The following PRICKLE2 variants were observed in gnomAD, a reference collection of about 807,000 sequenced individuals.
PRICKLE2 encodes prickle-like protein 2.
PRICKLE2 carries 21 observed loss-of-function variants against 81.4 expected under a neutral mutation model. The observed-to-expected ratio is 0.26, with a 90% CI of 0.18 to 0.37. PRICKLE2 has a LOEUF of 0.37. Ranked by LOEUF, PRICKLE2 falls within the 10% of genes least tolerant of loss-of-function variation. The pLI is 1.00. For missense variants in PRICKLE2, 940 were observed against 1,109.0 expected, an observed-to-expected ratio of 0.85 and a Z score of 2.16; for synonymous variants, 456 against 421.5, an observed-to-expected ratio of 1.08 and a Z score of -1.00.
intron 4 of PRICKLE2, among the ~76,000 whole-genome samples, chr3:64,159,554 G>A (rs546408900): frequency 6.8e-4 from 104 of 152,228 alleles, no homozygotes; most frequent in African/African-American, 2.2e-3. Flanking sequence ...CCTCTAAGCC[G>A]GTCATTCCTT....
intron 1 of PRICKLE2, among the ~76,000 whole-genome samples, chr3:64,211,676 C>T (rs2078788566): frequency 6.6e-6 from 1 of 152,140 alleles, no homozygotes. Context: ...TCTAACCTTG[C>T]AATTTTACAA....
intron 2 of PRICKLE2, among the ~76,000 whole-genome samples, chr3:64,231,891 C>G (rs562417626): frequency 8.5e-5 from 13 of 152,122 alleles, no homozygotes; most frequent in Non-Finnish European, 1.9e-4. Flanking sequence ...GGTCTGACGA[C>G]AAAACCCATA....
intron 2 of PRICKLE2, among the ~76,000 whole-genome samples, chr3:64,261,856 AGAAGCTGTCT>A (rs566134628): frequency 3.9e-5 from 6 of 152,290 alleles, no homozygotes; most frequent in Admixed American, 3.9e-4. Context: ...TATTGCAATG[AGAAGCTGTCT>A]GAAGGTGTTA....
intron 2 of PRICKLE2, among the ~76,000 whole-genome samples, chr3:64,231,568 A>G (rs994508852): frequency 6.6e-6 from 1 of 152,198 alleles, no homozygotes; most frequent in Non-Finnish European, 1.5e-5. Context: ...GGAAGAGAAC[A>G]TTGGCAAAAT....
intron 4 of PRICKLE2, 96 bp from the exon 5 acceptor site, chr3:64,157,461 G>A: frequency 7.8e-7 from 1 of 1,275,304 alleles, no homozygotes; most frequent in Non-Finnish European, 1.1e-6. Context: ...GCTGGCTACT[G>A]AGTGCTTATG....
Position 64,092,910 on chromosome 3 carries a change from T to G in PRICKLE2, c.*6141A>C, listed in dbSNP as rs1184976332. ...ATAAAATTTACCATCTTAACCACTT[T>G]TAAGTGTACAGTTCAGTAGTATTAA... is the stretch of plus-strand genomic sequence containing the variant. On this transcript the variant is annotated 3_prime_UTR_variant, in exon 8 of 8. Coordinates refer to ENST00000638394, the MANE Select transcript of PRICKLE2 (RefSeq NM_198859.4). 1 of 152,246 alleles carries G rather than the reference T, an allele frequency of 6.6e-6. No homozygotes were observed. Among genetic ancestry groups the G allele is most frequent in the Non-Finnish European group, 1.5e-5 (1 of 68,046 alleles). 9.4% of individuals were successfully genotyped at this position (152,246 alleles called of 1,614,324 possible).
chr3:64,180,029 T>C (rs2078100334), intron 2 of PRICKLE2, among the ~76,000 whole-genome samples: 6 of 152,160 alleles, frequency 3.9e-5, no homozygotes, highest in East Asian at 1.9e-4. Flanking sequence ...CAGGCCAGAG[T>C]GGCTGCTTAA....
At chr3:64,132,258 T>C (rs2077207527) in intron 7 of PRICKLE2, among the ~76,000 whole-genome samples, 1 of 152,220 alleles carries the variant, frequency 6.6e-6, no homozygotes, top group Admixed American at 6.5e-5. Context: ...TCTGTGTGTT[T>C]GTAGGTCCCC....
chr3:64,141,782 A>G, intron 7 of PRICKLE2: 3 of 984,938 alleles, frequency 3.0e-6, no homozygotes, highest in Non-Finnish European at 3.6e-6. Context: ...TGCTGCCCAC[A>G]GAAAGATCAC....
At chr3:64,127,709 G>C (rs1285896751) in intron 7 of PRICKLE2, among the ~76,000 whole-genome samples, 1 of 151,814 alleles carries the variant, frequency 6.6e-6, no homozygotes, top group East Asian at 2.0e-4. Context: ...CCCTTCCTGA[G>C]GACCTGAGCC....
At chr3:64,153,099 C>A in intron 6 of PRICKLE2, 83 bp downstream of exon 6, 6 of 1,283,344 alleles carry the variant, frequency 4.7e-6, no homozygotes, top group Non-Finnish European at 6.8e-6. Context: ...CTAACACTTG[C>A]AATCAAAGAT....
chr3:64,209,251 C>T (rs1203649143), intron 1 of PRICKLE2, among the ~76,000 whole-genome samples: 1 of 151,134 alleles, frequency 6.6e-6, no homozygotes, highest in Non-Finnish European at 1.5e-5. Context: ...TTCATTCATA[C>T]CCATAAATAC....
intron 5 of PRICKLE2, chr3:64,153,617 A>G: frequency 2.0e-6 from 1 of 497,314 alleles, no homozygotes; most frequent in South Asian, 2.1e-5. Context: ...ATTTAATAAG[A>G]GAAAGAATGT....
rs1485815720 is a variant in PRICKLE2 at position 64,097,925 on chromosome 3, A to C, written c.*1126T>G. 6.6e-6 allele frequency: 1 copy of C among 152,666 alleles called. No homozygotes were observed. The highest frequency in any genetic ancestry group is 2.4e-5 in the African/African-American group (1 of 41,414). 9.5% of individuals were successfully genotyped at this position (152,666 alleles called of 1,614,324 possible). Reference sequence around the variant, plus strand: ...TCCTTCTCCAGGCATGACATGTCACACACCGTCCCTCGCAGAGCCCCCTCA... The same window carrying C: ...TCCTTCTCCAGGCATGACATGTCACCCACCGTCCCTCGCAGAGCCCCCTCA... On this transcript the variant is annotated 3_prime_UTR_variant, in exon 8 of 8. Coordinates refer to ENST00000638394, the MANE Select transcript of PRICKLE2 (RefSeq NM_198859.4).
intron 2 of PRICKLE2, among the ~76,000 whole-genome samples, chr3:64,231,502 T>C (rs1025113028): frequency 2.0e-5 from 3 of 152,178 alleles, no homozygotes; most frequent in Admixed American, 2.0e-4. Context: ...ACAGGGATGC[T>C]CTGGTTTTTC....
chr3:64,219,074 TG>T (rs1198958761), intron 1 of PRICKLE2, among the ~76,000 whole-genome samples: 1 of 152,110 alleles, frequency 6.6e-6, no homozygotes, highest in Non-Finnish European at 1.5e-5. Flanking sequence ...CGCCATTCTC[TG>T]GGGGGCTACC....
In PRICKLE2 at chr3:64,126,860, G is replaced by A. The variant is rs557081264; in HGVS notation, c.1660+19970C>T. Among the ~76,000 whole-genome samples the A allele has an allele frequency of 3.9e-5, 6 of 152,222 alleles. No homozygotes were observed. In the East Asian group the frequency reaches 9.7e-4, roughly 25 times the overall value. ...CAAAGTGCTGAGATTACAGGTGTGA[G>A]CCACTGTGCCCGGCCTTGTGGGCAG... On this transcript the variant is annotated intron_variant, in intron 7 of 7. Transcript: ENST00000638394.
intron 2 of PRICKLE2, among the ~76,000 whole-genome samples, chr3:64,236,386 C>G (rs2107166115): frequency 6.6e-6 from 1 of 152,246 alleles, no homozygotes; most frequent in Non-Finnish European, 1.5e-5. Context: ...CATAGCCAAC[C>G]ATAAACTGCC....
Position 64,099,937 on chromosome 3 carries a change from A to G in PRICKLE2, c.1661-12T>C. The G allele has an allele frequency of 6.2e-7, 1 of 1,613,780 alleles. No homozygotes were observed. ...ATCAGCAGAGAGGCCTGGGGAAGAG[A>G]GGAGGGGACCACAGAGATTAATACA... On this transcript the variant is annotated splice_polypyrimidine_tract_variant and intron_variant, in intron 7 of 7. Coordinates refer to ENST00000638394, the MANE Select transcript of PRICKLE2 (RefSeq NM_198859.4). This position sits in a 1 kb window ranked among gnomAD's most constrained non-coding sequence, Gnocchi z 4.3.
Sources: gnomAD v4.1 joint callset for allele counts (sites outside exome capture counted in the v4.1 genomes callset) on GRCh38, gnomAD v4.1.1 for gene constraint, Gnocchi (gnomAD v3.1) non-coding constraint, MANE v1.5 for transcripts, NCBI Gene and HGNC (gene_info 2026-07-23, HGNC 2026-07-21) for gene names.